EEF1AKMT2: variants seen among roughly 807,000 people sequenced by gnomAD.
EEF1AKMT2 encodes the protein eukaryotic translation elongation factor 1 alpha lysine methyltransferase 2.
Under a neutral mutation model 35.8 loss-of-function variants are expected in EEF1AKMT2, and 32 were observed. The observed-to-expected ratio is 0.89, with a 90% CI of 0.67 to 1.20. The LOEUF (loss-of-function observed/expected upper bound fraction) is 1.20, where lower values mean the gene tolerates loss of function less well. Among genes scored for constraint, EEF1AKMT2 ranks in the 50% most tolerant of loss-of-function variants. EEF1AKMT2 has a pLI of 0.00. For synonymous variants in EEF1AKMT2, 121 were observed against 133.7 expected (o/e 0.91, Z 0.65); for missense variants, 330 against 347.5 (o/e 0.95, Z 0.40).
intron 5 of EEF1AKMT2, among the ~76,000 whole-genome samples, chr10:124,764,321 A>T (rs894173948): frequency 2.7e-5 from 4 of 145,960 alleles, no homozygotes; most frequent in African/African-American, 7.5e-5. Context: ...AAAAAAAAAC[A>T]AACTAATCTG....
At chr10:124,777,234 G>A (rs914745341) in intron 3 of EEF1AKMT2, among the ~76,000 whole-genome samples, 4 of 148,312 alleles carry the variant, frequency 2.7e-5, no homozygotes, top group East Asian at 4.0e-4. Flanking sequence ...AGCCAAGATC[G>A]CGCCATTGCA....
intron 4 of EEF1AKMT2, among the ~76,000 whole-genome samples, chr10:124,768,081 T>G (rs1486833156): frequency 6.6e-6 from 1 of 152,192 alleles, no homozygotes; most frequent in Non-Finnish European, 1.5e-5. Flanking sequence ...TGCTAAGATC[T>G]GGGGCAAGAA....
At chr10:124,785,519 T>C (rs1323410131) in intron 3 of EEF1AKMT2, among the ~76,000 whole-genome samples, 2 of 152,088 alleles carry the variant, frequency 1.3e-5, no homozygotes, top group East Asian at 3.9e-4. Context: ...ATATCCAGAA[T>C]ACGTTAAAAA....
chr10:124,771,474 T>C (rs1317980549), intron 4 of EEF1AKMT2, among the ~76,000 whole-genome samples: 2 of 152,186 alleles, frequency 1.3e-5, no homozygotes, highest in East Asian at 3.8e-4. Flanking sequence ...CATAGCCTTA[T>C]GAAATGCATT....
At chr10:124,765,806 A>C (rs963611101) in intron 4 of EEF1AKMT2, 198 bp from the exon 5 acceptor site, 1 of 518,314 alleles carries the variant, frequency 1.9e-6, no homozygotes, top group Non-Finnish European at 3.4e-6. Flanking sequence ...GATTAATAAG[A>C]GAGACTGGTA....
intron 3 of EEF1AKMT2, among the ~76,000 whole-genome samples, chr10:124,783,293 C>A (rs1228068325): frequency 6.6e-6 from 1 of 151,850 alleles, no homozygotes; most frequent in Non-Finnish European, 1.5e-5. Flanking sequence ...CAGGCAAACA[C>A]CACCACGTCT....
At chr10:124,761,681 C>T (rs1189407382) in intron 6 of EEF1AKMT2, among the ~76,000 whole-genome samples, 1 of 152,172 alleles carries the variant, frequency 6.6e-6, no homozygotes, top group Non-Finnish European at 1.5e-5. Context: ...TACCATGATC[C>T]TGATTTCTAT....
At chr10:124,762,769 A>G (rs1029798372) in intron 5 of EEF1AKMT2, among the ~76,000 whole-genome samples, 1 of 152,234 alleles carries the variant, frequency 6.6e-6, no homozygotes, top group African/African-American at 2.4e-5. Flanking sequence ...ATAAAATAAT[A>G]TGATGTTTCT....
chr10:124,782,890 T>C (rs1298770327), intron 3 of EEF1AKMT2: 23 of 344,216 alleles, frequency 6.7e-5, no homozygotes, highest in Non-Finnish European at 1.3e-4. Context: ...ATAATCACAT[T>C]GAACATAAAT....
intron 3 of EEF1AKMT2, among the ~76,000 whole-genome samples, chr10:124,780,743 C>T (rs1053918822): frequency 1.3e-5 from 2 of 151,340 alleles, no homozygotes; most frequent in Non-Finnish European, 2.9e-5. Flanking sequence ...CATAAGCTTA[C>T]AGATGTAAAA....
At position 124,765,474 on chromosome 10, in the gene EEF1AKMT2, G is replaced by A. The variant is rs1311582336; in HGVS notation, c.534C>T (p.Ser178=). Residue 178 remains serine, a synonymous_variant, in exon 5 of 7, where the codon TCC becomes TCT. Transcript: ENST00000368836. ...EKRKQYVKSL[S]RVLKVKGFFL... ...AAAAGCCTTTTACTTTCAACACCCT[G>A]GAGAGAGATTTCACATATTGCTTCC... The A allele has an allele frequency of 6.2e-7, 1 of 1,613,940 alleles. No individual in the cohort carries two copies. Among genetic ancestry groups the A allele is most frequent in the Non-Finnish European group, 8.5e-7 (1 of 1,179,948 alleles).
At chr10:124,761,985 C>T (rs1306886937) in intron 6 of EEF1AKMT2, among the ~76,000 whole-genome samples, 2 of 152,110 alleles carry the variant, frequency 1.3e-5, no homozygotes, top group South Asian at 2.1e-4. Flanking sequence ...ATTGATGGAC[C>T]TATTAGTTTT....
rs890399457 is a variant in EEF1AKMT2, at chr10:124,785,844, C to A, written c.291+3199G>T. On this transcript the variant is annotated intron_variant, in intron 3 of 6. Coordinates refer to ENST00000368836, the MANE Select transcript of EEF1AKMT2 (RefSeq NM_212554.4). ...CCTGCAGGTGGAGGTTGCAGTGAGC[C>A]GAGGTCATGCCACTGCACTCCAGCC... 7.4e-5 allele frequency among the ~76,000 whole-genome samples: 10 copies of A among 134,608 alleles called. 1 individual carries two copies. Among genetic ancestry groups the A allele is most frequent in the African/African-American group, 2.7e-4 (10 of 36,640 alleles). The allele number at this position is 134,608 out of a possible 152,430, so 88.3% of individuals were successfully genotyped here.
intron 2 of EEF1AKMT2, among the ~76,000 whole-genome samples, chr10:124,789,454 C>T (rs757826199): frequency 2.0e-5 from 3 of 152,158 alleles, no homozygotes; most frequent in Non-Finnish European, 4.4e-5. Flanking sequence ...GGGTGAAATG[C>T]TGTCATCAAA....
chr10:124,776,764 C>T (rs1310326953), intron 3 of EEF1AKMT2, among the ~76,000 whole-genome samples: 1 of 151,832 alleles, frequency 6.6e-6, no homozygotes, highest in African/African-American at 2.4e-5. Flanking sequence ...CACTGCACTC[C>T]AGCCTGGGCA....
intron 3 of EEF1AKMT2, among the ~76,000 whole-genome samples, chr10:124,778,817 T>G (rs935185382): frequency 1.3e-5 from 2 of 151,064 alleles, no homozygotes; most frequent in African/African-American, 2.4e-5. Context: ...AAAAGGATGA[T>G]GATAAGGCTT....
chr10:124,758,516 A>G lies in EEF1AKMT2; in HGVS notation c.*1987T>C, dbSNP rs1044315409. 2 of 151,958 alleles carry G rather than the reference A, an allele frequency of 1.3e-5. No homozygotes were observed. The highest frequency in any genetic ancestry group is 6.6e-5 in the Admixed American group (1 of 15,262). The allele number at this position is 151,958 out of a possible 1,614,324, so 9.4% of individuals were successfully genotyped here. A position where few individuals can be genotyped will look rare whatever the true frequency, so the allele number is the denominator to read the frequency against. On this transcript the variant is annotated 3_prime_UTR_variant, in exon 7 of 7. Transcript: ENST00000368836. ...AAAGCTCTATGGTTAAAAAAAAAAA[A>G]AAAAAGAAAACCTTCACCTTTGCAA...
intron 3 of EEF1AKMT2, among the ~76,000 whole-genome samples, chr10:124,784,572 G>T (rs1950568621): frequency 6.7e-6 from 1 of 149,702 alleles, no homozygotes; most frequent in Non-Finnish European, 1.5e-5. Context: ...CCTTAAGAAA[G>T]TAAAAAAAGG....
At chr10:124,771,160 CTA>C (rs1950430652) in intron 4 of EEF1AKMT2, among the ~76,000 whole-genome samples, 3 of 151,618 alleles carry the variant, frequency 2.0e-5, no homozygotes. Context: ...AGTGCAGCGG[CTA>C]GATCTCAGCT....
Sources: gnomAD v4.1 joint callset for allele counts (sites outside exome capture counted in the v4.1 genomes callset) on GRCh38, gnomAD v4.1.1 for gene constraint, MANE v1.5 for transcripts, NCBI Gene and HGNC (gene_info 2026-07-23, HGNC 2026-07-21) for gene names.